The following ELOVL6 variants were observed in gnomAD, a reference collection of about 807,000 sequenced individuals.
The protein encoded by ELOVL6 is very long chain fatty acid elongase 6.
A neutral mutation model predicts 31.7 loss-of-function variants in ELOVL6; 8 were observed. That is an observed-to-expected ratio of 0.25 (90% CI 0.15 to 0.45). ELOVL6 has a LOEUF of 0.45. Among genes scored for constraint, ELOVL6 ranks in the 20% least tolerant of loss-of-function variants. ELOVL6 has a pLI of 1.00. For missense variants in ELOVL6, 126 were observed against 326.4 expected (o/e 0.39, Z 4.73); for synonymous variants, 101 against 117.7 (o/e 0.86, Z 0.92).
intron 2 of ELOVL6, among the ~76,000 whole-genome samples, chr4:110,062,722 G>T (rs1260182108): frequency 2.0e-5 from 3 of 152,130 alleles, no homozygotes; most frequent in African/African-American, 7.2e-5. Flanking sequence ...AGTCTTTCTG[G>T]CCATCCCTGG....
chr4:110,114,577 C>T lies in ELOVL6; in HGVS notation c.90-8949G>A, dbSNP rs540139154. Among the ~76,000 whole-genome samples, 5 of 152,238 alleles carry T rather than the reference C, an allele frequency of 3.3e-5. No individual in the cohort carries two copies. The South Asian group carries it at 1.0e-3, about 32-fold the overall frequency. On this transcript the variant is annotated intron_variant, in intron 1 of 3. Coordinates refer to ENST00000302274, the MANE Select transcript of ELOVL6 (RefSeq NM_024090.3). The stretch of plus-strand genomic sequence containing the variant: ...TGGTACAGCTGGGCTTCTTTAAAAA[C>T]TGACCCAAATGCTGAAGCCACTCAT...
intron 1 of ELOVL6, among the ~76,000 whole-genome samples, chr4:110,191,706 G>A (rs1183752555): frequency 2.6e-5 from 4 of 152,056 alleles, no homozygotes; most frequent in African/African-American, 9.7e-5. Context: ...ATTAGATGGG[G>A]GGCCGGGCAC....
chr4:110,084,157 C>G (rs1296462797), intron 2 of ELOVL6, among the ~76,000 whole-genome samples: 3 of 91,686 alleles, frequency 3.3e-5, no homozygotes, highest in East Asian at 5.9e-4. Context: ...ATATATATAA[C>G]ATATATGTGA....
chr4:110,078,581 T>A (rs1755727111), intron 2 of ELOVL6, among the ~76,000 whole-genome samples: 1 of 152,150 alleles, frequency 6.6e-6, no homozygotes, highest in South Asian at 2.1e-4. Context: ...AAAGAGCTCC[T>A]GAAGGAAGCA....
At position 110,050,343 on chromosome 4, in the gene ELOVL6, C is replaced by T. The variant is rs557148091; in HGVS notation, c.*995G>A. The T allele has an allele frequency of 1.3e-5, 2 of 152,738 alleles. No individual in the cohort carries two copies. Among genetic ancestry groups the T allele is most frequent in the South Asian group, 4.2e-4 (2 of 4,816 alleles). 9.5% of individuals were successfully genotyped at this position (152,738 alleles called of 1,614,324 possible). On this transcript the variant is annotated 3_prime_UTR_variant, in exon 4 of 4. Transcript: ENST00000302274. The stretch of plus-strand genomic sequence containing the variant: ...AGGGGCATACACACCATCTGTCTGT[C>T]GAATTGATCTTCGGCTCACCTCTTT...
chr4:110,142,458 T>A (rs1478896757), intron 1 of ELOVL6, among the ~76,000 whole-genome samples: 2 of 152,222 alleles, frequency 1.3e-5, no homozygotes, highest in Non-Finnish European at 2.9e-5. Flanking sequence ...TTATAAACAT[T>A]GCAGACAATC....
At chr4:110,129,365 C>T (rs901776011) in intron 1 of ELOVL6, among the ~76,000 whole-genome samples, 1 of 152,180 alleles carries the variant, frequency 6.6e-6, no homozygotes, top group African/African-American at 2.4e-5. Flanking sequence ...GATGCCTTAA[C>T]ACCAGGATAG....
At chr4:110,186,819 AAAAAT>A (rs1737404176) in intron 1 of ELOVL6, among the ~76,000 whole-genome samples, 3 of 106,834 alleles carry the variant, frequency 2.8e-5, no homozygotes, top group Non-Finnish European at 4.0e-5. Context: ...AAAAAAAAAA[AAAAAT>A]ATATATATAT....
intron 1 of ELOVL6, among the ~76,000 whole-genome samples, chr4:110,123,888 T>A (rs1406798247): frequency 2.6e-5 from 4 of 152,216 alleles, no homozygotes; most frequent in African/African-American, 9.6e-5. Context: ...GTCATAAATA[T>A]CATTCAGGAA....
chr4:110,053,735 C>A (rs1217661603), intron 3 of ELOVL6, among the ~76,000 whole-genome samples: 1 of 152,140 alleles, frequency 6.6e-6, no homozygotes, highest in African/African-American at 2.4e-5. Context: ...GTCAGGAGAT[C>A]AAGACCATCC....
At chr4:110,100,378 G>A (rs1413806517) in intron 2 of ELOVL6, among the ~76,000 whole-genome samples, 1 of 152,176 alleles carries the variant, frequency 6.6e-6, no homozygotes, top group East Asian at 1.9e-4. Context: ...CATGAAGGCT[G>A]CTTCAGTCAG....
intron 1 of ELOVL6, among the ~76,000 whole-genome samples, chr4:110,183,988 T>A (rs1759370993): frequency 6.6e-6 from 1 of 152,084 alleles, no homozygotes; most frequent in Non-Finnish European, 1.5e-5. Flanking sequence ...TCTCAATCAA[T>A]CAATCAATCA....
chr4:110,190,713 C>T (rs1183662169), intron 1 of ELOVL6, among the ~76,000 whole-genome samples: 1 of 152,048 alleles, frequency 6.6e-6, no homozygotes, highest in African/African-American at 2.4e-5. Context: ...CCATGTTGGC[C>T]AGGCTGGTCT....
At chr4:110,109,743 C>A (rs144936226) in intron 1 of ELOVL6, among the ~76,000 whole-genome samples, 20 of 152,282 alleles carry the variant, frequency 1.3e-4, no homozygotes, top group African/African-American at 2.9e-4. Context: ...GCATTCACGT[C>A]AAGATTTCTA....
At chr4:110,122,276 G>A (rs1314020100) in intron 1 of ELOVL6, among the ~76,000 whole-genome samples, 20 of 152,126 alleles carry the variant, frequency 1.3e-4, no homozygotes, top group Admixed American at 1.3e-3. Context: ...CAACTATCTT[G>A]TTTATTTAAA....
At chr4:110,090,255 G>A (rs1025494819) in intron 2 of ELOVL6, among the ~76,000 whole-genome samples, 3 of 152,188 alleles carry the variant, frequency 2.0e-5, no homozygotes, top group Non-Finnish European at 2.9e-5. Flanking sequence ...TTTAGACTGT[G>A]TATGGAGAAG....
chr4:110,166,419 C>T (rs532772818), intron 1 of ELOVL6, among the ~76,000 whole-genome samples: 34 of 152,158 alleles, frequency 2.2e-4, no homozygotes, highest in Admixed American at 9.2e-4. Flanking sequence ...GAGACCATCC[C>T]GGCCAACAAC....
At chr4:110,121,052 C>A (rs994220146) in intron 1 of ELOVL6, among the ~76,000 whole-genome samples, 1 of 152,052 alleles carries the variant, frequency 6.6e-6, no homozygotes, top group Non-Finnish European at 1.5e-5. Context: ...CCACCTACCT[C>A]GGCCTCCCAA....
Position 110,114,280 on chromosome 4 carries a change from T to C in ELOVL6, c.90-8652A>G, listed in dbSNP as rs952757322. Among the ~76,000 whole-genome samples, 14 of 152,304 alleles carry C rather than the reference T, an allele frequency of 9.2e-5. No individual in the cohort carries two copies. In the East Asian group the frequency reaches 1.5e-3, roughly 17 times the overall value. On this transcript the variant is annotated intron_variant, in intron 1 of 3. Coordinates refer to ENST00000302274, the MANE Select transcript of ELOVL6 (RefSeq NM_024090.3). ...CTATTTTCCTAAATATAAAATTTTA[T>C]TGGGCTTGAAGTTACACAAATACAA...
Sources: allele counts gnomAD v4.1 joint callset (sites outside exome capture counted in the v4.1 genomes callset), GRCh38; gene constraint gnomAD v4.1.1; transcripts MANE v1.5; gene names NCBI Gene and HGNC (gene_info 2026-07-23, HGNC 2026-07-21).